SHANK1: variants seen among roughly 807,000 people sequenced by gnomAD.
SHANK1 encodes the protein SH3 and multiple ankyrin repeat domains protein 1.
Under a neutral mutation model 165.6 loss-of-function variants are expected in SHANK1, and 35 were observed. The observed-to-expected ratio is 0.21, with a 90% CI of 0.16 to 0.28. The LOEUF is 0.28. Ranked by LOEUF, SHANK1 falls within the 10% of genes least tolerant of loss-of-function variation. SHANK1 has a pLI of 1.00. For synonymous variants in SHANK1, 1,428 were observed against 1,384.8 expected (o/e 1.03, Z -0.69); for missense variants, 2,681 against 3,036.4 (o/e 0.88, Z 2.75).
In SHANK1 at chr19:50,687,566, AG is replaced by A; in HGVS notation, c.2389+15del. On this transcript the variant is annotated intron_variant, in intron 19 of 23. Coordinates refer to ENST00000293441, the MANE Select transcript of SHANK1 (RefSeq NM_016148.5). ...CTCCCCCCGGCCCCCTGGCCTCAGC[AG>A]CCCCGCAGGCTCACCCATCTCCTCC... 1 of 1,544,380 alleles carries A rather than the reference AG, an allele frequency of 6.5e-7. No homozygotes were observed. Among genetic ancestry groups the A allele is most frequent in the Non-Finnish European group, 8.7e-7 (1 of 1,143,700 alleles).
At chr19:50,705,478 T>C (rs1248314899) in intron 8 of SHANK1, among the ~76,000 whole-genome samples, 2 of 152,210 alleles carry the variant, frequency 1.3e-5, no homozygotes, top group Admixed American at 6.5e-5. Flanking sequence ...GCCACTAGGA[T>C]ATTTGAGGGC....
At chr19:50,709,511 G>C (rs558061951) in intron 8 of SHANK1, among the ~76,000 whole-genome samples, 10 of 151,948 alleles carry the variant, frequency 6.6e-5, no homozygotes, top group African/African-American at 2.4e-4. Context: ...AAAATGACTT[G>C]TGCAACTGTC....
chr19:50,675,647 G>A (rs137936430), intron 21 of SHANK1, among the ~76,000 whole-genome samples: 159 of 152,270 alleles, frequency 1.0e-3, no homozygotes, highest in African/African-American at 3.6e-3. Context: ...GCATAAATTC[G>A]TAAAATATAA....
At position 50,716,778 on chromosome 19, in the gene SHANK1, G is replaced by A. The variant is rs777918685; in HGVS notation, c.142C>T (p.Pro48Ser). The change falls in exon 2 of 24, where the codon CCT becomes TCT. Residue 48 changes from proline to serine, a missense_variant. Physicochemically the swap from Pro to Ser is moderately conservative, Grantham distance 74. This residue lies in a region of SHANK1 where 118 missense variants were observed against 106.9 expected (regional missense o/e 1.10). Coordinates refer to ENST00000293441, the MANE Select transcript of SHANK1 (RefSeq NM_016148.5). This position sits in a 1 kb window ranked among gnomAD's most constrained non-coding sequence, Gnocchi z 8.4. ...CCTCTAACAGAGGCCAGGCTACCAG[G>A]TGCCCCACTGCCCTGGCCCCGGGTC... is the stretch of plus-strand genomic sequence containing the variant. ...RGTRGQGSGA[P>S]GSLASVRGLQ... 5 of 1,607,336 alleles carry A rather than the reference G, an allele frequency of 3.1e-6. No homozygotes were observed. Among genetic ancestry groups the A allele is most frequent in the Non-Finnish European group, 4.2e-6 (5 of 1,177,106 alleles).
rs113467670 is a variant in SHANK1, at chr19:50,680,669, T to TC, written c.2577+5567dup. 4.0e-5 allele frequency among the ~76,000 whole-genome samples: 6 copies of TC among 148,576 alleles called. No homozygotes were observed. The East Asian group carries it at 9.8e-4, about 24-fold the overall frequency. On this transcript the variant is annotated intron_variant, in intron 21 of 23. Transcript: ENST00000293441. ...AGATAGTGGCATCTTTTTTTTTTTT[T>TC]CCCCGAGACAGAATCGCACCCTGTC...
intron 21 of SHANK1, among the ~76,000 whole-genome samples, chr19:50,673,651 T>C (rs1985879500): frequency 6.6e-6 from 1 of 152,130 alleles, no homozygotes; most frequent in Non-Finnish European, 1.5e-5. Context: ...AAGGCGGGGC[T>C]GATGTATCCC....
chr19:50,694,598 G>C (rs1018991798), intron 15 of SHANK1, among the ~76,000 whole-genome samples: 16 of 115,418 alleles, frequency 1.4e-4, no homozygotes, highest in African/African-American at 5.4e-4. Context: ...GAAGAGCAGA[G>C]GGGGGCCTGG....
chr19:50,667,164 G>A lies in SHANK1; in HGVS notation c.4796C>T (p.Ala1599Val). 3.2e-6 allele frequency: 5 copies of A among 1,559,152 alleles called. No homozygotes were observed. Among genetic ancestry groups the A allele is most frequent in the Non-Finnish European group, 4.3e-6 (5 of 1,158,980 alleles). The change falls in exon 23 of 24, where the codon GCC becomes GTC. Residue 1599 changes from alanine (A) to valine (V), a missense_variant. By Grantham distance (64) the Ala-to-Val change is moderately conservative. Around this residue, in one of 10 missense-constraint regions of SHANK1, gnomAD observed 1,713 missense variants for 1,630.2 expected, o/e 1.05. Coordinates refer to ENST00000293441, the MANE Select transcript of SHANK1 (RefSeq NM_016148.5). The surrounding 1 kb of genome is among the most constrained non-coding windows in gnomAD (Gnocchi z 5.7). ...PHPLPDTPAP[A>V]TPLPPVPPPA... ...GGGTGGCACAGGGGGTAACGGGGTG[G>A]CAGGGGCAGGTGTGTCGGGCAGCGG...
intron 4 of SHANK1, among the ~76,000 whole-genome samples, 187 bp downstream of exon 4, chr19:50,715,471 TG>T (rs1257851115): frequency 2.7e-5 from 4 of 148,216 alleles, no homozygotes; most frequent in Non-Finnish European, 6.0e-5. Flanking sequence ...ATGGGGATAA[TG>T]GGGGGTATTT....
intron 21 of SHANK1, among the ~76,000 whole-genome samples, chr19:50,683,218 T>C (rs1230296523): frequency 6.6e-6 from 1 of 152,156 alleles, no homozygotes; most frequent in Admixed American, 6.5e-5. Flanking sequence ...TGGGCAGTAT[T>C]TGCTGCTGGC....
intron 7 of SHANK1, among the ~76,000 whole-genome samples, 160 bp downstream of exon 7, chr19:50,711,786 TC>T (rs1422923994): frequency 1.3e-5 from 2 of 152,040 alleles, no homozygotes; most frequent in African/African-American, 2.4e-5. Context: ...CCCCTTAGGG[TC>T]TTTCTGCCTT....
chr19:50,671,812 C>G (rs1985803184), intron 22 of SHANK1, among the ~76,000 whole-genome samples: 2 of 152,150 alleles, frequency 1.3e-5, no homozygotes. Context: ...GTCAAGCCAC[C>G]TGCCCCAGTT....
chr19:50,711,971 C>T lies in SHANK1; in HGVS notation c.936G>A (p.Glu312=), dbSNP rs751882155. The T allele has an allele frequency of 1.2e-6, 2 of 1,614,112 alleles. No individual in the cohort carries two copies. The highest frequency in any genetic ancestry group is 2.2e-5 in the East Asian group (1 of 44,876). ...CCTGGTGGATTTCCTGCCAGCCGTT[C>T]TCATCAGCTATGCCCAGCTGGGCCC... ...FNRAQLGIAD[E]NGWQEIHQAC... Residue 312 remains glutamate (E), a synonymous_variant, in exon 7 of 24, where the codon GAG becomes GAA. Coordinates refer to ENST00000293441, the MANE Select transcript of SHANK1 (RefSeq NM_016148.5).
At chr19:50,684,730 C>T (rs1260374882) in intron 21 of SHANK1, among the ~76,000 whole-genome samples, 6 of 152,154 alleles carry the variant, frequency 3.9e-5, no homozygotes, top group Non-Finnish European at 5.9e-5. Flanking sequence ...CCTGTATCCC[C>T]AGTAGGAATC....
chr19:50,668,146 G>A lies in SHANK1; in HGVS notation c.3814C>T (p.Leu1272=). ...GGGCCCGGGGCCGCCCCTGTGCCCA[G>A]CCCGCCGTCCCCGCCGTCCTCGTCC... ...AGDEDGGDGG[L]GTGAAPGPRL... is the part of the protein sequence containing the mutation. The change falls in exon 23 of 24, where the codon CTG becomes TTG. Residue 1272 remains leucine, a synonymous_variant. Transcript: ENST00000293441. The A allele has an allele frequency of 2.7e-6, 4 of 1,464,978 alleles. No homozygotes were observed. The highest frequency in any genetic ancestry group is 3.6e-6 in the Non-Finnish European group (4 of 1,115,770). The allele number at this position is 1,464,978 out of a possible 1,614,324, so 90.7% of individuals were successfully genotyped here.
intron 8 of SHANK1, among the ~76,000 whole-genome samples, chr19:50,708,649 C>T (rs758416962): frequency 1.4e-4 from 22 of 152,024 alleles, no homozygotes; most frequent in Non-Finnish European, 2.4e-4. Context: ...TTCATTTGTT[C>T]GAGTCATTCA....
chr19:50,669,412 T>G, intron 22 of SHANK1, 127 bp from the exon 23 acceptor site: 1 of 666,548 alleles, frequency 1.5e-6, no homozygotes, highest in African/African-American at 1.8e-5. Context: ...GAACTTCACG[T>G]GGACTCGCCC....
Position 50,702,643 on chromosome 19 carries a change from C to T in SHANK1, c.1571G>A (p.Arg524Gln), listed in dbSNP as rs778200819. 17 of 1,550,468 alleles carry T rather than the reference C, an allele frequency of 1.1e-5. No individual in the cohort carries two copies. The highest frequency in any genetic ancestry group is 1.8e-4 in the Middle Eastern group (1 of 5,514). ...CCCCGTGCCCCCGGCTGGCCCTTCC[C>T]GGGGTGTCCCGCTGGAGCTGCGTAC... ...RGRPSSSGTPREGPAGGTGGS... is the reference protein window; with the variant it reads ...RGRPSSSGTPQEGPAGGTGGS... Residue 524 changes from arginine to glutamine, a missense_variant, in exon 12 of 24, where the codon CGG becomes CAG. By Grantham distance (43) the Arg-to-Gln change is conservative (BLOSUM62 1). Around this residue, in one of 10 missense-constraint regions of SHANK1, gnomAD observed 195 missense variants for 186.2 expected, o/e 1.05. Coordinates refer to ENST00000293441, the MANE Select transcript of SHANK1 (RefSeq NM_016148.5). This position sits in a 1 kb window ranked among gnomAD's most constrained non-coding sequence, Gnocchi z 5.3.
Position 50,662,827 on chromosome 19 carries a change from A to T in SHANK1, c.5769-145T>A. 2.5e-6 allele frequency: 2 copies of T among 814,034 alleles called. No individual in the cohort carries two copies. Among genetic ancestry groups the T allele is most frequent in the Non-Finnish European group, 3.9e-6 (2 of 516,702 alleles). The allele number at this position is 814,034 out of a possible 1,614,324, so 50.4% of individuals were successfully genotyped here. Reference sequence around the variant, plus strand: ...AGAGACGGAGGAGAGACGGGAAGAAATGGAGGGAGCAAGGGGTAAGACGGC... The same window carrying T: ...AGAGACGGAGGAGAGACGGGAAGAATTGGAGGGAGCAAGGGGTAAGACGGC... On this transcript the variant is annotated intron_variant, in intron 23 of 23. Transcript: ENST00000293441. The surrounding 1 kb of genome is among the most constrained non-coding windows in gnomAD (Gnocchi z 7.7).
Sources: gnomAD v4.1 joint callset for allele counts (sites outside exome capture counted in the v4.1 genomes callset) on GRCh38, gnomAD v4.1.1 for gene constraint, gnomAD v4.1.1 regional missense constraint, Gnocchi (gnomAD v3.1) non-coding constraint, MANE v1.5 for transcripts, NCBI Gene and HGNC (gene_info 2026-07-23, HGNC 2026-07-21) for gene names.